TMOD3: variants seen among roughly 807,000 people sequenced by gnomAD.
TMOD3 encodes tropomodulin-3.
TMOD3 carries 20 observed loss-of-function variants against 39.2 expected under a neutral mutation model. The observed-to-expected ratio is 0.51, with a 90% CI of 0.36 to 0.74. The LOEUF is 0.74. TMOD3 is among the 30% of genes least tolerant of loss of function. TMOD3 has a pLI of 0.00. For synonymous variants in TMOD3, 143 were observed against 145.8 expected (o/e 0.98, Z 0.14); for missense variants, 381 against 412.8 (o/e 0.92, Z 0.67).
intron 1 of TMOD3, among the ~76,000 whole-genome samples, chr15:51,845,611 C>G (rs1308393744): frequency 6.6e-6 from 1 of 151,922 alleles, no homozygotes; most frequent in Non-Finnish European, 1.5e-5. Context: ...TAAAAATTAG[C>G]TGGGCATGGT....
chr15:51,900,000 A>G (rs577897646), intron 7 of TMOD3, among the ~76,000 whole-genome samples, 155 bp from the exon 8 acceptor site: 4 of 152,360 alleles, frequency 2.6e-5, no homozygotes, highest in East Asian at 1.9e-4. Flanking sequence ...CTGAGGGACA[A>G]CTGTACATGT....
intron 1 of TMOD3, among the ~76,000 whole-genome samples, chr15:51,834,252 A>G (rs1334505564): frequency 6.6e-6 from 1 of 152,058 alleles, no homozygotes; most frequent in Non-Finnish European, 1.5e-5. Context: ...TACTTTCTCA[A>G]TGATATTGTG....
chr15:51,900,421 G>A (rs981110678), intron 8 of TMOD3, 123 bp downstream of exon 8: 2 of 1,070,182 alleles, frequency 1.9e-6, no homozygotes, highest in Non-Finnish European at 1.3e-6. Flanking sequence ...ATGCTGGGCT[G>A]AAAGGAGAGC....
intron 1 of TMOD3, chr15:51,859,316 T>C (rs1349198015): frequency 1.4e-6 from 1 of 726,942 alleles, no homozygotes; most frequent in Non-Finnish European, 2.6e-6. Flanking sequence ...GGTTCAATGG[T>C]TCCTTGATAC....
At chr15:51,857,557 C>T (rs1460465490) in intron 1 of TMOD3, among the ~76,000 whole-genome samples, 1 of 151,974 alleles carries the variant, frequency 6.6e-6, no homozygotes, top group African/African-American at 2.4e-5. Flanking sequence ...ATCGTATTGC[C>T]TATTAGAGTG....
At chr15:51,888,821 C>T (rs1291391063) in intron 4 of TMOD3, among the ~76,000 whole-genome samples, 2 of 152,030 alleles carry the variant, frequency 1.3e-5, no homozygotes, top group African/African-American at 2.4e-5. Flanking sequence ...CTGCCTCCAA[C>T]TCTGAATTTG....
intron 4 of TMOD3, among the ~76,000 whole-genome samples, chr15:51,888,119 G>T (rs1048237938): frequency 1.3e-5 from 2 of 152,168 alleles, no homozygotes; most frequent in African/African-American, 4.8e-5. Context: ...GAAACAGTCA[G>T]TCCTGAGCTA....
chr15:51,885,709 C>G (rs2056557461), intron 3 of TMOD3, among the ~76,000 whole-genome samples: 1 of 152,214 alleles, frequency 6.6e-6, no homozygotes, highest in African/African-American at 2.4e-5. Context: ...GACACAGCAA[C>G]AATCCGATTT....
chr15:51,841,215 T>G (rs550270017), intron 1 of TMOD3, among the ~76,000 whole-genome samples: 22 of 152,242 alleles, frequency 1.4e-4, no homozygotes, highest in Non-Finnish European at 3.1e-4. Flanking sequence ...TCTTTTTCAC[T>G]TCATTATAAT....
chr15:51,887,669 G>A lies in TMOD3; in HGVS notation c.364G>A (p.Ala122Thr). The A allele has an allele frequency of 6.2e-7, 1 of 1,613,990 alleles. No homozygotes were observed. Among genetic ancestry groups the A allele is most frequent in the Non-Finnish European group, 8.5e-7 (1 of 1,179,978 alleles). Reference sequence around the variant, plus strand: ...GTCTCTTGATCCAGAATTAGAAGAAGCTTTGACAAGTGCTTCTGATACAGA... The same window carrying A: ...GTCTCTTGATCCAGAATTAGAAGAAACTTTGACAAGTGCTTCTGATACAGA... Reference protein sequence around the residue: ...KVSLDPELEEALTSASDTELC... With the variant: ...KVSLDPELEETLTSASDTELC... The change falls in exon 4 of 10, where the codon GCT becomes ACT. Residue 122 changes from alanine to threonine, a missense_variant. Transcript: ENST00000308580.
At position 51,881,438 on chromosome 15, in the gene TMOD3, A is replaced by G. The variant is rs1259674080; in HGVS notation, c.284-6151A>G. On this transcript the variant is annotated intron_variant, in intron 3 of 9. Coordinates refer to ENST00000308580, the MANE Select transcript of TMOD3 (RefSeq NM_014547.5). ...ATAATTTGCCCCACAAAAGTTTTTA[A>G]TTTTGATGTAGTACAATTTATCTGT... Among the ~76,000 whole-genome samples, 5 of 151,666 alleles carry G rather than the reference A, an allele frequency of 3.3e-5. No individual in the cohort carries two copies. In the East Asian group the frequency reaches 5.8e-4, roughly 18 times the overall value.
At chr15:51,857,158 C>T (rs756041481) in intron 1 of TMOD3, among the ~76,000 whole-genome samples, 6 of 152,190 alleles carry the variant, frequency 3.9e-5, no homozygotes, top group East Asian at 1.9e-4. Flanking sequence ...AGTCTGTTTA[C>T]GTAACATGCA....
At chr15:51,859,141 G>A (rs546617578) in intron 1 of TMOD3, 5 of 663,344 alleles carry the variant, frequency 7.5e-6, no homozygotes, top group African/African-American at 5.4e-5. Context: ...TTGCCCACAG[G>A]GCTTGCAATA....
intron 3 of TMOD3, among the ~76,000 whole-genome samples, chr15:51,881,416 A>G (rs914552850): frequency 1.3e-5 from 2 of 152,146 alleles, no homozygotes; most frequent in African/African-American, 4.8e-5. Context: ...TGATGGTATA[A>G]TTTGCCCCAC....
At chr15:51,856,618 T>A (rs78383906) in intron 1 of TMOD3, among the ~76,000 whole-genome samples, 1 of 140,408 alleles carries the variant, frequency 7.1e-6, no homozygotes, top group Non-Finnish European at 1.5e-5. Context: ...TTTTTTTTTT[T>A]AACGGGCAAA....
chr15:51,833,745 T>G (rs1308484305), intron 1 of TMOD3, among the ~76,000 whole-genome samples: 2 of 152,234 alleles, frequency 1.3e-5, no homozygotes, highest in African/African-American at 2.4e-5. Flanking sequence ...TACCCCAATT[T>G]ATATTTTCTC....
chr15:51,878,269 T>G (rs1483460290), intron 3 of TMOD3, among the ~76,000 whole-genome samples: 2 of 152,208 alleles, frequency 1.3e-5, no homozygotes, highest in African/African-American at 4.8e-5. Context: ...TGGTAACTCA[T>G]GCCTGTAATC....
At chr15:51,879,647 AG>A in intron 3 of TMOD3, among the ~76,000 whole-genome samples, 1 of 152,164 alleles carries the variant, frequency 6.6e-6, no homozygotes, top group South Asian at 2.1e-4. Context: ...TTCATCTTTT[AG>A]GGACTGATAT....
intron 5 of TMOD3, among the ~76,000 whole-genome samples, chr15:51,890,635 T>C (rs2448946): frequency 0.34 from 51,751 of 152,078 alleles, 9,675 homozygotes; most frequent in Middle Eastern, 0.42. Context: ...GTAACCTCAA[T>C]ATTTTACACA....
Sources: allele counts gnomAD v4.1 joint callset (sites outside exome capture counted in the v4.1 genomes callset), GRCh38; gene constraint gnomAD v4.1.1; transcripts MANE v1.5; gene names NCBI Gene and HGNC (gene_info 2026-07-23, HGNC 2026-07-21).